SGCD: variants seen among roughly 807,000 people sequenced by gnomAD.
SGCD encodes sarcoglycan delta.
Under a neutral mutation model 36.6 loss-of-function variants are expected in SGCD, and 18 were observed. The observed-to-expected ratio is 0.49, with a 90% CI of 0.34 to 0.73. The LOEUF (loss-of-function observed/expected upper bound fraction) is 0.73. SGCD is among the 30% of genes least tolerant of loss of function. SGCD has a pLI of 0.01. For missense variants in SGCD, 387 were observed against 346.7 expected (o/e 1.12, Z -0.92); for synonymous variants, 133 against 130.6 (o/e 1.02, Z -0.12).
the SGCD span, among the ~76,000 whole-genome samples, chr5:155,819,245 A>T: frequency 6.6e-6 from 1 of 152,188 alleles, no homozygotes; most frequent in Non-Finnish European, 1.5e-5. Flanking sequence ...TTCTCTATAA[A>T]CTTGAAATTC....
At chr5:155,801,177 T>C in the SGCD span, among the ~76,000 whole-genome samples, 1 of 152,140 alleles carries the variant, frequency 6.6e-6, no homozygotes, top group Non-Finnish European at 1.5e-5. Context: ...GACTCAAGTT[T>C]GGTTGTTGGA....
chr5:156,699,993 CAAAAG>C (rs144978766), intron 7 of SGCD, among the ~76,000 whole-genome samples: 29,657 of 152,048 alleles, frequency 0.2, 3,373 homozygotes, highest in Non-Finnish European at 0.26. Flanking sequence ...GGATCAGAGA[CAAAAG>C]AAGGCATGAA....
At chr5:156,315,686 G>A (rs1345714723) in intron 3 of SGCD, among the ~76,000 whole-genome samples, 1 of 151,802 alleles carries the variant, frequency 6.6e-6, no homozygotes, top group Non-Finnish European at 1.5e-5. Flanking sequence ...CAATATGCAA[G>A]GGTTCTCTTT....
intron 6 of SGCD, among the ~76,000 whole-genome samples, chr5:156,639,052 A>G (rs1762933056): frequency 6.6e-6 from 1 of 151,930 alleles, no homozygotes; most frequent in African/African-American, 2.4e-5. Flanking sequence ...ATAATAAAAT[A>G]TATCTACCAT....
chr5:155,894,905 C>A lies in SGCD; in HGVS notation c.-282+24481C>A, dbSNP rs566520962. Among the ~76,000 whole-genome samples, 18 of 152,256 alleles carry A rather than the reference C, an allele frequency of 1.2e-4. No homozygotes were observed. In the South Asian group the frequency reaches 3.5e-3, roughly 30 times the overall value. ...CACGATAAACGTAATGTGCTTGACT[C>A]ATCCTGCAAACCCCTGCCACCCCTG... On this transcript the variant is annotated intron_variant, in intron 1 of 9. Coordinates refer to the SGCD transcript ENST00000517913.
chr5:156,423,783 C>T (rs1773538707), intron 3 of SGCD, among the ~76,000 whole-genome samples: 1 of 151,984 alleles, frequency 6.6e-6, no homozygotes, highest in Non-Finnish European at 1.5e-5. Flanking sequence ...CTAAAGTCTA[C>T]TATGTGACCT....
chr5:156,042,806 T>C (rs772085277), intron 1 of SGCD, among the ~76,000 whole-genome samples: 5 of 152,108 alleles, frequency 3.3e-5, no homozygotes, highest in Non-Finnish European at 5.9e-5. Flanking sequence ...GCTGGAGTAA[T>C]TGGGGAAGTT....
chr5:156,164,202 G>A (rs898649353), intron 3 of SGCD, among the ~76,000 whole-genome samples: 4 of 151,408 alleles, frequency 2.6e-5, no homozygotes, highest in African/African-American at 9.8e-5. Context: ...ACCCATAAAT[G>A]TAAATGTGTG....
At chr5:156,279,703 A>G (rs541684178) in intron 3 of SGCD, among the ~76,000 whole-genome samples, 2 of 152,088 alleles carry the variant, frequency 1.3e-5, no homozygotes, top group African/African-American at 4.8e-5. Context: ...TGTGAGCAAG[A>G]ACTGTACCAT....
chr5:156,071,385 T>G (rs1356816840), intron 1 of SGCD, among the ~76,000 whole-genome samples: 1 of 152,244 alleles, frequency 6.6e-6, no homozygotes. Flanking sequence ...CATTTCGTGA[T>G]GTACCCAGTA....
chr5:156,055,931 G>A (rs1443315382), intron 1 of SGCD, among the ~76,000 whole-genome samples: 1 of 146,022 alleles, frequency 6.8e-6, no homozygotes, highest in African/African-American at 2.5e-5. Context: ...GACTTCTAAC[G>A]ACTTAGAGGA....
intron 4 of SGCD, among the ~76,000 whole-genome samples, chr5:156,509,010 A>C (rs1756824518): frequency 6.6e-6 from 1 of 152,218 alleles, no homozygotes; most frequent in South Asian, 2.1e-4. Flanking sequence ...AATGCAGATA[A>C]TATTGCTGTT....
intron 3 of SGCD, among the ~76,000 whole-genome samples, chr5:156,192,125 G>A (rs901724376): frequency 1.3e-5 from 2 of 152,190 alleles, no homozygotes; most frequent in Non-Finnish European, 2.9e-5. Flanking sequence ...AGGAGACATC[G>A]TGACGGTCTA....
At chr5:156,249,982 C>A (rs1322821661) in intron 3 of SGCD, among the ~76,000 whole-genome samples, 2 of 152,146 alleles carry the variant, frequency 1.3e-5, no homozygotes, top group African/African-American at 4.8e-5. Flanking sequence ...AGGATTTTAA[C>A]TATATGTGTC....
chr5:156,733,447 A>G (rs750793716), intron 7 of SGCD, among the ~76,000 whole-genome samples: 28 of 151,846 alleles, frequency 1.8e-4, no homozygotes, highest in Non-Finnish European at 3.1e-4. Context: ...TGTGTGATCA[A>G]TTTTAGAGTA....
At chr5:156,131,228 G>A (rs1355149881) in intron 3 of SGCD, among the ~76,000 whole-genome samples, 1 of 152,134 alleles carries the variant, frequency 6.6e-6, no homozygotes, top group East Asian at 1.9e-4. Context: ...CATATGACTT[G>A]CAGAGGCAAT....
At chr5:156,141,306 A>G (rs1762573820) in intron 3 of SGCD, among the ~76,000 whole-genome samples, 1 of 152,152 alleles carries the variant, frequency 6.6e-6, no homozygotes, top group Non-Finnish European at 1.5e-5. Flanking sequence ...CCCAGCTAGG[A>G]AAATGTCTAG....
At chr5:156,033,779 G>A (rs1022375609) in intron 1 of SGCD, among the ~76,000 whole-genome samples, 3 of 152,162 alleles carry the variant, frequency 2.0e-5, no homozygotes, top group Admixed American at 2.0e-4. Flanking sequence ...TGTGTGCAGG[G>A]AATACAGCAG....
At chr5:156,068,202 A>G (rs1186197325) in intron 1 of SGCD, among the ~76,000 whole-genome samples, 1 of 151,650 alleles carries the variant, frequency 6.6e-6, no homozygotes, top group Non-Finnish European at 1.5e-5. Flanking sequence ...TACATGTGCC[A>G]TGCTGGTGTG....
Sources: gnomAD v4.1 joint callset for allele counts (sites outside exome capture counted in the v4.1 genomes callset) on GRCh38, gnomAD v4.1.1 for gene constraint, MANE v1.5 for transcripts, NCBI Gene and HGNC (gene_info 2026-07-23, HGNC 2026-07-21) for gene names.